The following WWOX variants were observed in gnomAD, a reference collection of about 807,000 sequenced individuals.
The protein encoded by WWOX is WW domain containing oxidoreductase.
Under a neutral mutation model 46.2 loss-of-function variants are expected in WWOX, and 69 were observed. The ratio of observed to expected loss-of-function variants is 1.49; its 90% CI spans 1.23 to 1.82. The LOEUF is 1.82. Ranked by LOEUF, WWOX falls within the 40% of genes most tolerant of loss-of-function variation. The pLI is 0.00. For synonymous variants in WWOX, 359 were observed against 202.6 expected, an observed-to-expected ratio of 1.77 and a Z score of -6.56; for missense variants, 919 against 542.6, an observed-to-expected ratio of 1.69 and a Z score of -6.89.
At chr16:78,822,882 C>G (rs923291028) in intron 8 of WWOX, among the ~76,000 whole-genome samples, 2 of 151,520 alleles carry the variant, frequency 1.3e-5, no homozygotes, top group African/African-American at 2.4e-5. Flanking sequence ...AAAAAAGATT[C>G]CTAGCAAGAA....
At chr16:78,770,137 G>C (rs547962670) in intron 8 of WWOX, among the ~76,000 whole-genome samples, 113 of 152,202 alleles carry the variant, frequency 7.4e-4, no homozygotes, top group African/African-American at 2.5e-3. Flanking sequence ...CAATCACTGA[G>C]GTCAGGAGTT....
At chr16:78,723,629 T>TTC (rs1555523695) in intron 8 of WWOX, among the ~76,000 whole-genome samples, 5 of 90,344 alleles carry the variant, frequency 5.5e-5, no homozygotes, top group African/African-American at 2.3e-4. Context: ...TTTCTTTTCT[T>TTC]TTTTCTTTTC....
At chr16:78,769,880 A>G (rs1484809951) in intron 8 of WWOX, among the ~76,000 whole-genome samples, 1 of 151,754 alleles carries the variant, frequency 6.6e-6, no homozygotes, top group Non-Finnish European at 1.5e-5. Context: ...TAAAAATAAA[A>G]ATAAATAAAA....
chr16:78,693,531 A>G (rs1226762772), intron 8 of WWOX, among the ~76,000 whole-genome samples: 2 of 152,230 alleles, frequency 1.3e-5, no homozygotes, highest in African/African-American at 2.4e-5. Context: ...TGTTTAAAAT[A>G]TACACAGAAC....
Position 78,583,908 on chromosome 16 carries a change from C to T in WWOX, c.1056+151156C>T, listed in dbSNP as rs1339093597. Among the ~76,000 whole-genome samples, 3 of 152,318 alleles carry T rather than the reference C, an allele frequency of 2.0e-5. No homozygotes were observed. In the East Asian group the frequency reaches 5.8e-4, roughly 29 times the overall value. On this transcript the variant is annotated intron_variant, in intron 8 of 8. Transcript: ENST00000566780. ...TACCTGTTTGGGGGAATATTTTAGG[C>T]ATCCTCACAAAACTGCTATGTGACA...
chr16:78,166,705 C>A (rs550044497), intron 5 of WWOX: 1 of 152,258 alleles, frequency 6.6e-6, no homozygotes, highest in East Asian at 1.9e-4. Flanking sequence ...ACTACAGGCA[C>A]GCGTCACCAT....
At chr16:79,061,126 A>G (rs1295531182) in intron 8 of WWOX, among the ~76,000 whole-genome samples, 1 of 152,198 alleles carries the variant, frequency 6.6e-6, no homozygotes, top group Non-Finnish European at 1.5e-5. Flanking sequence ...TGGTGCTCAC[A>G]GTCTCTCAAT....
chr16:78,191,507 A>G (rs993065144), intron 5 of WWOX, among the ~76,000 whole-genome samples: 2 of 152,220 alleles, frequency 1.3e-5, no homozygotes, highest in Admixed American at 6.5e-5. Flanking sequence ...AGGAAGTTGC[A>G]TTTAAAAAAT....
intron 8 of WWOX, among the ~76,000 whole-genome samples, chr16:79,163,971 G>C (rs1444366143): frequency 2.6e-5 from 4 of 151,614 alleles, no homozygotes; most frequent in African/African-American, 7.3e-5. Context: ...CCTCTGCAGG[G>C]TGTCTGTGGG....
chr16:78,993,835 G>A (rs924765463), intron 8 of WWOX, among the ~76,000 whole-genome samples: 3 of 152,208 alleles, frequency 2.0e-5, no homozygotes, highest in African/African-American at 7.2e-5. Context: ...AAGCCAAGAC[G>A]CCTGTTCTCC....
At chr16:78,201,232 A>G (rs1297520114) in intron 5 of WWOX, among the ~76,000 whole-genome samples, 1 of 152,250 alleles carries the variant, frequency 6.6e-6, no homozygotes, top group Non-Finnish European at 1.5e-5. Context: ...AAGAACCAAA[A>G]TGATTGTCTG....
chr16:79,069,060 G>C (rs1464918358), intron 8 of WWOX, among the ~76,000 whole-genome samples: 2 of 152,108 alleles, frequency 1.3e-5, no homozygotes, highest in Non-Finnish European at 2.9e-5. Context: ...CATTTGATCA[G>C]TAAAGCGCAG....
At chr16:78,735,512 C>G (rs528613037) in intron 8 of WWOX, among the ~76,000 whole-genome samples, 1 of 152,066 alleles carries the variant, frequency 6.6e-6, no homozygotes, top group Non-Finnish European at 1.5e-5. Context: ...GGACTTATGC[C>G]GATGTTAACT....
At chr16:78,466,214 G>A (rs1597124472) in intron 8 of WWOX, among the ~76,000 whole-genome samples, 1 of 151,926 alleles carries the variant, frequency 6.6e-6, no homozygotes, top group Non-Finnish European at 1.5e-5. Context: ...TGTGTTTTTA[G>A]TAGAGACGGG....
At chr16:78,279,491 A>G (rs557551691) in intron 5 of WWOX, among the ~76,000 whole-genome samples, 10 of 152,358 alleles carry the variant, frequency 6.6e-5, no homozygotes, top group South Asian at 2.1e-4. Context: ...TTATTACCCT[A>G]AGAAATCAAT....
intron 8 of WWOX, among the ~76,000 whole-genome samples, chr16:78,868,140 C>G (rs2044046999): frequency 6.6e-6 from 1 of 152,108 alleles, no homozygotes. Context: ...TGTCCATTAG[C>G]TGGGGAATGG....
chr16:78,422,810 C>CATAT lies in WWOX; in HGVS notation c.606-2054_606-2051dup, dbSNP rs200411920. 3.2e-3 allele frequency among the ~76,000 whole-genome samples: 384 copies of CATAT among 119,938 alleles called. 33 individuals are homozygous for CATAT. The highest frequency in any genetic ancestry group is 0.016 in the African/African-American group (355 of 22,056). The allele number at this position is 119,938 out of a possible 152,430, so 78.7% of individuals were successfully genotyped here. Reference sequence around the variant, plus strand: ...ACACACACACATATATATACACACACATATATATACACACACATATATATA... The same window carrying CATAT: ...ACACACACACATATATATACACACACATATATATATATACACACACATATATATA... On this transcript the variant is annotated intron_variant, in intron 6 of 8. Transcript: ENST00000566780.
Position 79,037,695 on chromosome 16 carries a change from A to G in WWOX, c.1057-173913A>G, listed in dbSNP as rs535001299. ...GAAAGGTTATTAAATAGGCCTCACAATCGCAAGCCAGGTAAATATGTCATT... is the reference window on the plus strand; with the variant it reads ...GAAAGGTTATTAAATAGGCCTCACAGTCGCAAGCCAGGTAAATATGTCATT... On this transcript the variant is annotated intron_variant, in intron 8 of 8. Coordinates refer to ENST00000566780, the MANE Select transcript of WWOX (RefSeq NM_016373.4). Among the ~76,000 whole-genome samples the G allele has an allele frequency of 3.3e-5, 5 of 152,310 alleles. No homozygotes were observed. In the South Asian group the frequency reaches 8.3e-4, roughly 25 times the overall value.
chr16:78,670,968 A>G (rs1032674652), intron 8 of WWOX, among the ~76,000 whole-genome samples: 4 of 151,986 alleles, frequency 2.6e-5, no homozygotes, highest in African/African-American at 7.3e-5. Flanking sequence ...AGAAGTAAAG[A>G]TTGGAGTGGT....
Sources: gnomAD v4.1 joint callset for allele counts (sites outside exome capture counted in the v4.1 genomes callset) on GRCh38, gnomAD v4.1.1 for gene constraint, MANE v1.5 for transcripts, NCBI Gene and HGNC (gene_info 2026-07-23, HGNC 2026-07-21) for gene names.